Variants in CSMD1 observed in about 807,000 individuals in gnomAD.
The protein encoded by CSMD1 is CUB and sushi domain-containing protein 1.
A neutral mutation model predicts 417.5 loss-of-function variants in CSMD1; 213 were observed. That is an observed-to-expected ratio of 0.51 (90% confidence interval 0.46 to 0.57). The LOEUF (loss-of-function observed/expected upper bound fraction) is 0.57. CSMD1 is among the 20% of genes least tolerant of loss of function. The probability of loss-of-function intolerance (pLI) is 0.00; values close to 1 mark genes in which losing one functional copy is unlikely to be tolerated. For missense variants in CSMD1, 6,923 were observed against 4,529.7 expected, an observed-to-expected ratio of 1.53 and a Z score of -15.17; for synonymous variants, 2,862 against 1,736.8, an observed-to-expected ratio of 1.65 and a Z score of -16.11.
intron 10 of CSMD1, among the ~76,000 whole-genome samples, chr8:3,517,981 A>C (rs968694027): frequency 3.5e-4 from 53 of 152,338 alleles, no homozygotes; most frequent in African/African-American, 1.3e-3. Context: ...TCAATAAATA[A>C]TCATATAAAT....
intron 1 of CSMD1, among the ~76,000 whole-genome samples, chr8:4,749,210 G>C (rs188946111): frequency 6.6e-6 from 1 of 152,188 alleles, no homozygotes; most frequent in African/African-American, 2.4e-5. Flanking sequence ...TAACAAATCT[G>C]AAAACTTTTT....
At chr8:4,584,049 C>T (rs953042387) in intron 2 of CSMD1, among the ~76,000 whole-genome samples, 9 of 151,806 alleles carry the variant, frequency 5.9e-5, no homozygotes, top group East Asian at 1.9e-4. Context: ...ACACTCACTA[C>T]GAAGGTCTGC....
At chr8:3,999,062 A>T (rs1445310608) in intron 4 of CSMD1, among the ~76,000 whole-genome samples, 1 of 150,470 alleles carries the variant, frequency 6.6e-6, no homozygotes, top group East Asian at 1.9e-4. Flanking sequence ...TTATATATAT[A>T]AATTACATAT....
chr8:4,041,004 C>CTTTCTTTTTTTTTTTTCTTTT (rs1250415506), intron 3 of CSMD1, among the ~76,000 whole-genome samples: 1 of 129,804 alleles, frequency 7.7e-6, no homozygotes, highest in Non-Finnish European at 1.6e-5. Context: ...TCTTTTCTTT[C>CTTTCTTTTTTTTTTTTCTTTT]TTTTTTTTTT....
chr8:3,052,458 T>C lies in CSMD1; in HGVS notation c.7660+4A>G, dbSNP rs1440741540. ...AAGATGGGCAGATGCCCCTGAACAC[T>C]TACGCTTACACGTGGGCGGCTTCCC... On this transcript the variant is annotated splice_donor_region_variant and intron_variant, in intron 50 of 69. Transcript: ENST00000635120. 4.5e-6 allele frequency: 7 copies of C among 1,563,834 alleles called. No homozygotes were observed. The highest frequency in any genetic ancestry group is 1.4e-5 in the African/African-American group (1 of 73,814).
chr8:3,859,160 T>A (rs757344797), intron 5 of CSMD1, among the ~76,000 whole-genome samples: 9 of 152,190 alleles, frequency 5.9e-5, no homozygotes, highest in African/African-American at 2.2e-4. Context: ...CATAGCACTG[T>A]GCCAGACACA....
intron 18 of CSMD1, among the ~76,000 whole-genome samples, chr8:3,382,677 A>AT (rs1372320256): frequency 2.0e-5 from 3 of 149,792 alleles, no homozygotes; most frequent in Non-Finnish European, 4.4e-5. Context: ...TGCATAGCTC[A>AT]TTTTCTCATA....
intron 2 of CSMD1, among the ~76,000 whole-genome samples, chr8:4,485,380 A>T (rs1341813367): frequency 6.6e-6 from 1 of 152,174 alleles, no homozygotes; most frequent in Non-Finnish European, 1.5e-5. Context: ...ACCAAATGAA[A>T]CCATTGCCCT....
chr8:3,464,279 G>A (rs1348082177), intron 12 of CSMD1, among the ~76,000 whole-genome samples: 2 of 152,054 alleles, frequency 1.3e-5, no homozygotes, highest in South Asian at 2.1e-4. Context: ...ATAAAAACGT[G>A]GGACCACTAC....
At chr8:3,455,845 C>G (rs555399769) in intron 12 of CSMD1, among the ~76,000 whole-genome samples, 5 of 152,240 alleles carry the variant, frequency 3.3e-5, no homozygotes, top group African/African-American at 9.6e-5. Flanking sequence ...AGATGTCAGA[C>G]AGGGACATTT....
At chr8:4,069,337 C>G (rs548503632) in intron 3 of CSMD1, among the ~76,000 whole-genome samples, 4 of 152,290 alleles carry the variant, frequency 2.6e-5, no homozygotes, top group Non-Finnish European at 5.9e-5. Context: ...AATTCCAACT[C>G]TTATCTACAG....
chr8:3,286,228 G>C (rs536819745), intron 25 of CSMD1, among the ~76,000 whole-genome samples: 2 of 152,242 alleles, frequency 1.3e-5, no homozygotes, highest in South Asian at 4.2e-4. Context: ...GTCTATCATT[G>C]TTGGACATTT....
chr8:3,674,912 T>C (rs1419101049), intron 7 of CSMD1, among the ~76,000 whole-genome samples: 1 of 152,130 alleles, frequency 6.6e-6, no homozygotes, highest in Non-Finnish European at 1.5e-5. Flanking sequence ...TGGAAGATAA[T>C]GAACTTATGC....
intron 23 of CSMD1, among the ~76,000 whole-genome samples, chr8:3,309,537 G>T (rs976406675): frequency 6.6e-6 from 1 of 152,120 alleles, no homozygotes. Flanking sequence ...CCTTTTATGT[G>T]AGGCAATATT....
chr8:3,623,010 T>G (rs1796330257), intron 7 of CSMD1, among the ~76,000 whole-genome samples: 1 of 152,180 alleles, frequency 6.6e-6, no homozygotes, highest in African/African-American at 2.4e-5. Flanking sequence ...GTAATAAATA[T>G]GTTAAATGTA....
At chr8:3,615,088 A>C (rs747147233) in intron 8 of CSMD1, among the ~76,000 whole-genome samples, 1 of 152,186 alleles carries the variant, frequency 6.6e-6, no homozygotes, top group Non-Finnish European at 1.5e-5. Context: ...GCTGTTTTCT[A>C]ATATGATACT....
chr8:4,815,092 A>C (rs1209722876), intron 1 of CSMD1, among the ~76,000 whole-genome samples: 1 of 152,148 alleles, frequency 6.6e-6, no homozygotes, highest in Non-Finnish European at 1.5e-5. Flanking sequence ...GGTGACCTAA[A>C]TTTGAAATGA....
intron 1 of CSMD1, among the ~76,000 whole-genome samples, chr8:4,644,936 G>A (rs547772430): frequency 6.6e-5 from 10 of 152,182 alleles, no homozygotes; most frequent in Non-Finnish European, 1.2e-4. Flanking sequence ...AGAGGTGGTC[G>A]GACAAATTAA....
chr8:4,454,993 G>A (rs563337728), intron 2 of CSMD1, among the ~76,000 whole-genome samples: 1 of 152,098 alleles, frequency 6.6e-6, no homozygotes, highest in African/African-American at 2.4e-5. Context: ...TTAGGAGAAG[G>A]GCTCCTGTGT....
Sources: gnomAD v4.1 joint callset for allele counts (sites outside exome capture counted in the v4.1 genomes callset) on GRCh38, gnomAD v4.1.1 for gene constraint, MANE v1.5 for transcripts, NCBI Gene and HGNC (gene_info 2026-07-23, HGNC 2026-07-21) for gene names.